PIP5K1B: variants seen among roughly 807,000 people sequenced by gnomAD.
PIP5K1B encodes the protein phosphatidylinositol 4-phosphate 5-kinase type-1 beta.
PIP5K1B carries 42 observed loss-of-function variants against 67.0 expected under a neutral mutation model. The ratio of observed to expected loss-of-function variants is 0.63; its 90% CI spans 0.49 to 0.81. The LOEUF (loss-of-function observed/expected upper bound fraction) is 0.81, where lower values mean the gene tolerates loss of function less well. Among genes scored for constraint, PIP5K1B ranks in the 30% least tolerant of loss-of-function variants. The probability of loss-of-function intolerance (pLI) is 0.00; values close to 1 mark genes in which losing one functional copy is unlikely to be tolerated. For synonymous variants in PIP5K1B, 214 were observed against 231.4 expected (o/e 0.92, Z 0.68); for missense variants, 459 against 646.3 (o/e 0.71, Z 3.14).
intron 2 of PIP5K1B, among the ~76,000 whole-genome samples, chr9:68,793,898 A>G (rs1330505006): frequency 2.0e-5 from 3 of 152,216 alleles, no homozygotes; most frequent in Non-Finnish European, 4.4e-5. Flanking sequence ...CTAAGAACTG[A>G]ACCTTGAAGC....
intron 1 of PIP5K1B, among the ~76,000 whole-genome samples, chr9:68,736,311 A>G (rs958003465): frequency 6.6e-6 from 1 of 152,182 alleles, no homozygotes; most frequent in Non-Finnish European, 1.5e-5. Flanking sequence ...TTAATCTATT[A>G]ATCTTGATCT....
chr9:68,947,186 G>A (rs910503764), intron 14 of PIP5K1B, among the ~76,000 whole-genome samples: 5 of 152,186 alleles, frequency 3.3e-5, no homozygotes, highest in African/African-American at 1.2e-4. Context: ...CAGAATGTGG[G>A]GAGGCTGGAA....
chr9:68,757,572 C>T (rs544565770), intron 2 of PIP5K1B, among the ~76,000 whole-genome samples: 1 of 152,262 alleles, frequency 6.6e-6, no homozygotes, highest in South Asian at 2.1e-4. Context: ...TTTGGTTATA[C>T]TCCTGCTCTC....
chr9:68,842,253 AG>A (rs1277197995), intron 4 of PIP5K1B, among the ~76,000 whole-genome samples: 1 of 152,134 alleles, frequency 6.6e-6, no homozygotes, highest in Non-Finnish European at 1.5e-5. Flanking sequence ...GGAGGCAGGG[AG>A]GGTGGACAGG....
intron 6 of PIP5K1B, among the ~76,000 whole-genome samples, chr9:68,886,994 C>T (rs1010379263): frequency 2.6e-5 from 4 of 152,192 alleles, no homozygotes; most frequent in African/African-American, 9.7e-5. Flanking sequence ...TTTGCATTTT[C>T]TCTTCCCTCT....
intron 1 of PIP5K1B, among the ~76,000 whole-genome samples, chr9:68,718,482 A>G (rs1827733215): frequency 6.6e-6 from 1 of 152,232 alleles, no homozygotes; most frequent in Non-Finnish European, 1.5e-5. Flanking sequence ...TTCAGACATT[A>G]AGCCTGCTCA....
At chr9:68,974,356 A>T (rs1416532910) in intron 14 of PIP5K1B, among the ~76,000 whole-genome samples, 3 of 152,218 alleles carry the variant, frequency 2.0e-5, no homozygotes, top group Non-Finnish European at 2.9e-5. Flanking sequence ...CCTGTTGTCA[A>T]TTCTAATGCA....
chr9:68,983,393 A>G (rs1829968993), intron 14 of PIP5K1B, among the ~76,000 whole-genome samples: 1 of 151,940 alleles, frequency 6.6e-6, no homozygotes, highest in Non-Finnish European at 1.5e-5. Flanking sequence ...ATGATGGCAG[A>G]GCAAGGAGAG....
chr9:68,855,382 T>C (rs1351794451), intron 4 of PIP5K1B, among the ~76,000 whole-genome samples: 1 of 152,216 alleles, frequency 6.6e-6, no homozygotes, highest in African/African-American at 2.4e-5. Flanking sequence ...ATATCATTTA[T>C]ATGCTAACAA....
intron 4 of PIP5K1B, among the ~76,000 whole-genome samples, chr9:68,830,638 A>C (rs566595895): frequency 1.7e-4 from 26 of 152,140 alleles, no homozygotes; most frequent in Non-Finnish European, 3.8e-4. Context: ...AACGCGAACT[A>C]TAGGAAATCG....
chr9:68,912,209 C>G (rs1825888200), intron 8 of PIP5K1B, among the ~76,000 whole-genome samples: 1 of 152,148 alleles, frequency 6.6e-6, no homozygotes, highest in Non-Finnish European at 1.5e-5. Flanking sequence ...GTAATTCGGG[C>G]TTGTTTAATG....
intron 5 of PIP5K1B, among the ~76,000 whole-genome samples, chr9:68,871,182 G>A (rs1273508118): frequency 6.6e-6 from 1 of 152,224 alleles, no homozygotes; most frequent in African/African-American, 2.4e-5. Flanking sequence ...CCTGTGGTGT[G>A]AAGGCCTCAT....
chr9:68,918,331 C>G (rs1406460141), intron 9 of PIP5K1B, among the ~76,000 whole-genome samples: 1 of 152,134 alleles, frequency 6.6e-6, no homozygotes, highest in African/African-American at 2.4e-5. Context: ...CTCATGTGAT[C>G]CACCTGCCTT....
chr9:68,779,000 A>G (rs1333327270), intron 2 of PIP5K1B, among the ~76,000 whole-genome samples: 1 of 152,088 alleles, frequency 6.6e-6, no homozygotes, highest in Non-Finnish European at 1.5e-5. Flanking sequence ...CCATCACACC[A>G]TCTTACTTTT....
At chr9:68,946,321 T>A (rs1827799561) in intron 14 of PIP5K1B, among the ~76,000 whole-genome samples, 1 of 152,174 alleles carries the variant, frequency 6.6e-6, no homozygotes, top group African/African-American at 2.4e-5. Context: ...ACACAGCCCC[T>A]AGTAGGATGA....
At chr9:68,953,961 G>A (rs1284179767) in intron 14 of PIP5K1B, among the ~76,000 whole-genome samples, 1 of 151,738 alleles carries the variant, frequency 6.6e-6, no homozygotes, top group Non-Finnish European at 1.5e-5. Flanking sequence ...CAGCCTTCTG[G>A]GACATCTGGC....
intron 14 of PIP5K1B, among the ~76,000 whole-genome samples, chr9:68,979,875 G>T (rs963984044): frequency 9.9e-5 from 15 of 152,198 alleles, no homozygotes; most frequent in Admixed American, 9.8e-4. Context: ...GTGGGAGAGT[G>T]GGGAAGAGCA....
At chr9:68,785,841 T>A (rs1396752872) in intron 2 of PIP5K1B, among the ~76,000 whole-genome samples, 1 of 152,234 alleles carries the variant, frequency 6.6e-6, no homozygotes, top group East Asian at 1.9e-4. Context: ...ATGAAACTCC[T>A]GCTTTCACAC....
At chr9:68,970,590 C>A (rs905026189) in intron 14 of PIP5K1B, among the ~76,000 whole-genome samples, 6 of 152,206 alleles carry the variant, frequency 3.9e-5, no homozygotes, top group Non-Finnish European at 7.3e-5. Flanking sequence ...CACTATATAT[C>A]GTATTCCATA....
Sources: gnomAD v4.1 joint callset for allele counts (sites outside exome capture counted in the v4.1 genomes callset) on GRCh38, gnomAD v4.1.1 for gene constraint, MANE v1.5 for transcripts, NCBI Gene and HGNC (gene_info 2026-07-23, HGNC 2026-07-21) for gene names.